The following DNAJC15 variants were observed in gnomAD, a reference collection of about 807,000 sequenced individuals.
DNAJC15 encodes the protein DnaJ heat shock protein family (Hsp40) member C15, also known as dnaJ homolog subfamily C member 15.
A neutral mutation model predicts 22.4 loss-of-function variants in DNAJC15; 27 were observed. The observed-to-expected ratio is 1.20, with a 90% CI of 0.89 to 1.66. The LOEUF is 1.66. Among genes scored for constraint, DNAJC15 ranks in the 40% most tolerant of loss-of-function variants. The pLI, the probability that DNAJC15 is intolerant of heterozygous loss-of-function variation, is 0.00. For synonymous variants in DNAJC15, 79 were observed against 63.2 expected, an observed-to-expected ratio of 1.25 and a Z score of -1.19; for missense variants, 208 against 187.1, an observed-to-expected ratio of 1.11 and a Z score of -0.65.
chr13:43,078,801 G>A, intron 4 of DNAJC15, 113 bp downstream of exon 4: 5 of 779,478 alleles, frequency 6.4e-6, no homozygotes, highest in East Asian at 3.1e-5. Flanking sequence ...AGGTGGCAGA[G>A]GAGAAAATAT....
In DNAJC15 at chr13:43,113,461, T is replaced by A. The variant is rs1261841028; in HGVS notation, c.*6213T>A. On this transcript the variant is annotated 3_prime_UTR_variant, in exon 6 of 6. Transcript: ENST00000379221. ...CTGGTGGAGTCAATGGAACTTTAGT[T>A]ACCAGTCTAAGAATGTGTCTTTGAG... 6.6e-6 allele frequency: 1 copy of A among 150,720 alleles called. No homozygotes were observed. Among genetic ancestry groups the A allele is most frequent in the Non-Finnish European group, 1.5e-5 (1 of 68,030 alleles). 9.3% of individuals were successfully genotyped at this position (150,720 alleles called of 1,614,324 possible). A position where few individuals can be genotyped will look rare whatever the true frequency, so the allele number is the denominator to read the frequency against.
chr13:43,065,600 A>G, intron 1 of DNAJC15, 86 bp from the exon 2 acceptor site: 1 of 1,089,476 alleles, frequency 9.2e-7, no homozygotes, highest in Non-Finnish European at 1.4e-6. Flanking sequence ...TAGTATTGTA[A>G]TGTAATTATT....
chr13:43,045,835 C>A (rs1365422903), intron 1 of DNAJC15, among the ~76,000 whole-genome samples: 1 of 152,142 alleles, frequency 6.6e-6, no homozygotes, highest in African/African-American at 2.4e-5. Flanking sequence ...TAATTTTTTT[C>A]CATAGCACAA....
chr13:43,085,942 C>A, intron 5 of DNAJC15, 104 bp downstream of exon 5: 1 of 1,007,406 alleles, frequency 9.9e-7, no homozygotes, highest in Non-Finnish European at 1.5e-6. Flanking sequence ...GAAGTTTGTG[C>A]GCCACATGTA....
intron 1 of DNAJC15, among the ~76,000 whole-genome samples, chr13:43,039,513 C>T (rs991258487): frequency 2.0e-5 from 3 of 152,044 alleles, no homozygotes; most frequent in African/African-American, 7.2e-5. Flanking sequence ...CTAGGAGTCT[C>T]AGGGGGTGGA....
chr13:43,081,879 A>G (rs937447939), intron 4 of DNAJC15, among the ~76,000 whole-genome samples: 1 of 152,172 alleles, frequency 6.6e-6, no homozygotes, highest in Non-Finnish European at 1.5e-5. Context: ...TCACAGTTCC[A>G]CATAGCTGGG....
Position 43,114,176 on chromosome 13 carries a change from G to A in DNAJC15, c.*6928G>A, listed in dbSNP as rs1203367970. 17 of 152,282 alleles carry A rather than the reference G, an allele frequency of 1.1e-4. No homozygotes were observed. Among genetic ancestry groups the A allele is most frequent in the Middle Eastern group, 3.4e-3 (1 of 294 alleles). 9.4% of individuals were successfully genotyped at this position (152,282 alleles called of 1,614,324 possible). The stretch of plus-strand genomic sequence containing the variant: ...ATAGTTTTATCTATGTGGTTTTCCC[G>A]ATGCAGTTAAAATAAAACCTAATCT... On this transcript the variant is annotated 3_prime_UTR_variant, in exon 6 of 6. Coordinates refer to ENST00000379221, the MANE Select transcript of DNAJC15 (RefSeq NM_013238.3).
At chr13:43,099,534 C>T (rs1197889142) in intron 5 of DNAJC15, among the ~76,000 whole-genome samples, 5 of 152,210 alleles carry the variant, frequency 3.3e-5, no homozygotes, top group Non-Finnish European at 7.3e-5. Context: ...TATCTACAAA[C>T]ATACTAACAC....
At chr13:43,097,405 C>G (rs73190319) in intron 5 of DNAJC15, among the ~76,000 whole-genome samples, 34,650 of 152,010 alleles carry the variant, frequency 0.23, 4,499 homozygotes, top group Non-Finnish European at 0.3. Context: ...GGAGAGGAAG[C>G]CCAAGGCTAA....
At position 43,059,680 on chromosome 13, in the gene DNAJC15, G is replaced by A. The variant is rs141685094; in HGVS notation, c.109-6006G>A. 8.8e-3 allele frequency among the ~76,000 whole-genome samples: 1,348 copies of A among 152,318 alleles called. 20 individuals carry two copies. The highest frequency in any genetic ancestry group is 0.027 in the African/African-American group (1,116 of 41,560). The stretch of plus-strand genomic sequence containing the variant: ...GATTTTTGTGATGTTTGTGTCTCAC[G>A]TGTCCGTGTGAAGAGACCACCAAAC... On this transcript the variant is annotated intron_variant, in intron 1 of 5. Transcript: ENST00000379221.
At chr13:43,058,937 CT>C (rs1211307407) in intron 1 of DNAJC15, among the ~76,000 whole-genome samples, 1 of 152,240 alleles carries the variant, frequency 6.6e-6, no homozygotes, top group Non-Finnish European at 1.5e-5. Context: ...CAGACTCCCC[CT>C]CTCACACTTT....
chr13:43,100,769 T>C (rs1400383957), intron 5 of DNAJC15, among the ~76,000 whole-genome samples: 1 of 152,194 alleles, frequency 6.6e-6, no homozygotes, highest in Non-Finnish European at 1.5e-5. Context: ...TGTAAATATG[T>C]GTTAGTTCTT....
intron 1 of DNAJC15, among the ~76,000 whole-genome samples, chr13:43,037,333 C>G (rs2040433696): frequency 6.6e-6 from 1 of 152,120 alleles, no homozygotes; most frequent in South Asian, 2.1e-4. Context: ...TTGCTGGAGA[C>G]TTCAAAGTCA....
rs2040814417 is a variant in DNAJC15 at position 43,109,487 on chromosome 13, A to G, written c.*2239A>G. The G allele has an allele frequency of 6.6e-6, 1 of 152,182 alleles. No homozygotes were observed. The highest frequency in any genetic ancestry group is 1.5e-5 in the Non-Finnish European group (1 of 68,042). 9.4% of individuals were successfully genotyped at this position (152,182 alleles called of 1,614,324 possible). A position where few individuals can be genotyped will look rare whatever the true frequency, so the allele number is the denominator to read the frequency against. On this transcript the variant is annotated 3_prime_UTR_variant, in exon 6 of 6. Coordinates refer to ENST00000379221, the MANE Select transcript of DNAJC15 (RefSeq NM_013238.3). ...CACCCTCAGATGCACCTTTTAATTG[A>G]TGTCATATTTTCCTAATCCATACTT...
intron 1 of DNAJC15, among the ~76,000 whole-genome samples, chr13:43,042,179 A>G (rs1262961145): frequency 6.6e-6 from 1 of 152,196 alleles, no homozygotes; most frequent in Non-Finnish European, 1.5e-5. Flanking sequence ...CTTCATACAC[A>G]ATGTTTTTTC....
At chr13:43,061,293 G>A (rs569351377) in intron 1 of DNAJC15, among the ~76,000 whole-genome samples, 4 of 152,274 alleles carry the variant, frequency 2.6e-5, no homozygotes, top group African/African-American at 9.6e-5. Context: ...AGATGAGAAG[G>A]AGAAAAGGGA....
intron 1 of DNAJC15, among the ~76,000 whole-genome samples, chr13:43,058,745 C>T (rs562191583): frequency 1.3e-5 from 2 of 152,198 alleles, no homozygotes; most frequent in Non-Finnish European, 2.9e-5. Flanking sequence ...GCAACCCTCC[C>T]GAAGGACCCC....
chr13:43,044,730 T>C (rs1021189670), intron 1 of DNAJC15, among the ~76,000 whole-genome samples: 2 of 152,082 alleles, frequency 1.3e-5, no homozygotes, highest in Admixed American at 1.3e-4. Flanking sequence ...CATTATATTT[T>C]CTCATTTCAA....
intron 1 of DNAJC15, among the ~76,000 whole-genome samples, chr13:43,039,206 C>G (rs1175580715): frequency 6.6e-6 from 1 of 152,142 alleles, no homozygotes; most frequent in Non-Finnish European, 1.5e-5. Context: ...TTCTCGGGCC[C>G]TCAGTGTCTT....
Sources: allele counts gnomAD v4.1 joint callset (sites outside exome capture counted in the v4.1 genomes callset), GRCh38; gene constraint gnomAD v4.1.1; transcripts MANE v1.5; gene names NCBI Gene and HGNC (gene_info 2026-07-23, HGNC 2026-07-21).